The following WWOX variants were observed in gnomAD, a reference collection of about 807,000 sequenced individuals.
WWOX encodes WW domain containing oxidoreductase.
A neutral mutation model predicts 46.2 loss-of-function variants in WWOX; 69 were observed. The ratio of observed to expected loss-of-function variants is 1.49; its 90% confidence interval spans 1.23 to 1.82. The LOEUF (loss-of-function observed/expected upper bound fraction) is 1.82, where lower values mean the gene tolerates loss of function less well. Among genes scored for constraint, WWOX ranks in the 40% most tolerant of loss-of-function variants. The pLI, the probability that WWOX is intolerant of heterozygous loss-of-function variation, is 0.00. For missense variants in WWOX, 919 were observed against 542.6 expected, an observed-to-expected ratio of 1.69 and a Z score of -6.89; for synonymous variants, 359 against 202.6, an observed-to-expected ratio of 1.77 and a Z score of -6.56.
At chr16:78,555,781 C>G (rs1047432101) in intron 8 of WWOX, among the ~76,000 whole-genome samples, 8 of 152,078 alleles carry the variant, frequency 5.3e-5, no homozygotes, top group African/African-American at 1.7e-4. Flanking sequence ...TCTTGTTTGA[C>G]TTTGCCCACA....
rs868676416 is a variant in WWOX, at chr16:78,533,736, C to G, written c.1056+100984C>G. Among the ~76,000 whole-genome samples, 8 of 152,172 alleles carry G rather than the reference C, an allele frequency of 5.3e-5. No individual in the cohort carries two copies. In the South Asian group the frequency reaches 8.3e-4, roughly 16 times the overall value. The stretch of plus-strand genomic sequence containing the variant: ...CCAGGTCTGAGCAGAAATGTTATTC[C>G]CTCCAGAAAGCCTTCCCTGGATGTT... On this transcript the variant is annotated intron_variant, in intron 8 of 8. Transcript: ENST00000566780.
intron 8 of WWOX, among the ~76,000 whole-genome samples, chr16:78,461,821 A>T (rs2083957684): frequency 6.6e-6 from 1 of 152,156 alleles, no homozygotes; most frequent in Non-Finnish European, 1.5e-5. Context: ...TATTTATTTT[A>T]GGGGAGGAAA....
chr16:78,600,666 A>G (rs1256927676), intron 8 of WWOX, among the ~76,000 whole-genome samples: 1 of 151,928 alleles, frequency 6.6e-6, no homozygotes, highest in South Asian at 2.1e-4. Context: ...TCTTCAGGAA[A>G]CCCTGGTAGC....
chr16:78,519,623 C>G (rs1430516327), intron 8 of WWOX, among the ~76,000 whole-genome samples: 1 of 152,082 alleles, frequency 6.6e-6, no homozygotes, highest in African/African-American at 2.4e-5. Context: ...CGTGACGGTA[C>G]TACAAAGCAG....
rs138385100 is a variant in WWOX, at chr16:78,640,390, G to A, written c.1056+207638G>A. 6.2e-4 allele frequency among the ~76,000 whole-genome samples: 95 copies of A among 152,102 alleles called. No homozygotes were observed. The East Asian group carries it at 6.4e-3, about 10-fold the overall frequency. ...GGCCGCTCTGAGCTAGAATCCTGGT[G>A]TTCAGAATTGGCAGGAAGGGCACAG... On this transcript the variant is annotated intron_variant, in intron 8 of 8. Transcript: ENST00000566780.
At chr16:78,131,685 G>A (rs910714633) in intron 4 of WWOX, among the ~76,000 whole-genome samples, 8 of 151,166 alleles carry the variant, frequency 5.3e-5, no homozygotes, top group African/African-American at 1.2e-4. Context: ...AGGTTCAAGC[G>A]ATTCTCCTGC....
At chr16:78,650,054 G>T (rs1241577464) in intron 8 of WWOX, among the ~76,000 whole-genome samples, 2 of 152,154 alleles carry the variant, frequency 1.3e-5, no homozygotes, top group Non-Finnish European at 1.5e-5. Context: ...CTTTATCTGT[G>T]TAACTGTCGT....
chr16:79,011,357 A>T (rs1010620796), intron 8 of WWOX, among the ~76,000 whole-genome samples: 1 of 151,894 alleles, frequency 6.6e-6, no homozygotes, highest in Middle Eastern at 3.4e-3. Context: ...CATGTCTCCA[A>T]TCCTGCCCCC....
intron 8 of WWOX, among the ~76,000 whole-genome samples, chr16:78,509,580 G>T (rs555292887): frequency 3.3e-5 from 5 of 152,264 alleles, no homozygotes; most frequent in Middle Eastern, 3.4e-3. Context: ...CAGACGCTCT[G>T]CCAGTGTGCA....
chr16:78,715,262 C>T (rs558627435), intron 8 of WWOX, among the ~76,000 whole-genome samples: 1 of 152,298 alleles, frequency 6.6e-6, no homozygotes, highest in Admixed American at 6.5e-5. Flanking sequence ...TTTGTCTTTT[C>T]TTGCTGAATA....
intron 8 of WWOX, among the ~76,000 whole-genome samples, chr16:78,476,538 C>G (rs553536908): frequency 2.6e-5 from 4 of 151,934 alleles, no homozygotes; most frequent in Non-Finnish European, 5.9e-5. Flanking sequence ...CACACCAACA[C>G]AGCACATGTC....
At chr16:78,407,528 C>G (rs1207067525) in intron 6 of WWOX, among the ~76,000 whole-genome samples, 1 of 152,200 alleles carries the variant, frequency 6.6e-6, no homozygotes, top group Non-Finnish European at 1.5e-5. Flanking sequence ...TTCTGTGTAA[C>G]TCAACCCCAT....
At chr16:78,194,688 G>A (rs1005863055) in intron 5 of WWOX, among the ~76,000 whole-genome samples, 1 of 151,764 alleles carries the variant, frequency 6.6e-6, no homozygotes, top group Non-Finnish European at 1.5e-5. Context: ...CTGAATAGCA[G>A]CTGCTTCTTT....
At chr16:78,120,463 G>A (rs1359332272) in intron 4 of WWOX, among the ~76,000 whole-genome samples, 7 of 152,092 alleles carry the variant, frequency 4.6e-5, no homozygotes, top group African/African-American at 9.6e-5. Context: ...CCAGCTACTC[G>A]GGAGGCTGAG....
intron 8 of WWOX, among the ~76,000 whole-genome samples, chr16:78,516,133 C>G (rs970696015): frequency 3.9e-5 from 6 of 152,194 alleles, no homozygotes; most frequent in African/African-American, 1.2e-4. Context: ...GTGCCCCTTT[C>G]TTTCCGCAGT....
chr16:78,349,062 A>G (rs528213814), intron 5 of WWOX, among the ~76,000 whole-genome samples: 1 of 120,436 alleles, frequency 8.3e-6, no homozygotes, highest in Admixed American at 8.1e-5. Context: ...ATTTTCTCAT[A>G]GTTGTGGAGC....
chr16:78,343,743 C>T lies in WWOX; in HGVS notation c.517-43117C>T, dbSNP rs1290092108. On this transcript the variant is annotated intron_variant, in intron 5 of 8. Transcript: ENST00000566780. Reference sequence around the variant, plus strand: ...TAATGGTCATTCATTTGGGAGATGACCTTTGGTTCCTAAACTGGTGGACAT... The same window carrying T: ...TAATGGTCATTCATTTGGGAGATGATCTTTGGTTCCTAAACTGGTGGACAT... Among the ~76,000 whole-genome samples, 3 of 120,842 alleles carry T rather than the reference C, an allele frequency of 2.5e-5. 1 individual carries two copies. The highest frequency in any genetic ancestry group is 5.9e-5 in the Non-Finnish European group (3 of 50,516). 79.3% of individuals were successfully genotyped at this position (120,842 alleles called of 152,430 possible).
intron 8 of WWOX, among the ~76,000 whole-genome samples, chr16:78,740,321 G>A (rs1290923360): frequency 6.6e-6 from 1 of 152,182 alleles, no homozygotes; most frequent in African/African-American, 2.4e-5. Context: ...CCGTCGGGGG[G>A]CTCCTGAGAG....
At chr16:78,886,845 C>G (rs907225519) in intron 8 of WWOX, among the ~76,000 whole-genome samples, 4 of 151,976 alleles carry the variant, frequency 2.6e-5, no homozygotes, top group Non-Finnish European at 5.9e-5. Flanking sequence ...TCTTGGAAAG[C>G]TTTGTTAGAG....
Sources: allele counts gnomAD v4.1 joint callset (sites outside exome capture counted in the v4.1 genomes callset), GRCh38; gene constraint gnomAD v4.1.1; transcripts MANE v1.5; gene names NCBI Gene and HGNC (gene_info 2026-07-23, HGNC 2026-07-21).